The following DTX4 variants were observed in gnomAD, a reference collection of about 807,000 sequenced individuals.
DTX4 encodes deltex E3 ubiquitin ligase 4.
Under a neutral mutation model 57.6 loss-of-function variants are expected in DTX4, and 28 were observed. That is an observed-to-expected ratio of 0.49 (90% confidence interval 0.36 to 0.67). The LOEUF is 0.67. Ranked by LOEUF, DTX4 falls within the 30% of genes least tolerant of loss-of-function variation. The probability of loss-of-function intolerance (pLI) is 0.00; values close to 1 mark genes in which losing one functional copy is unlikely to be tolerated. For synonymous variants in DTX4, 316 were observed against 331.0 expected, an observed-to-expected ratio of 0.95 and a Z score of 0.49; for missense variants, 715 against 836.8, an observed-to-expected ratio of 0.85 and a Z score of 1.80.
chr11:59,184,490 T>C (rs982569373), intron 2 of DTX4, among the ~76,000 whole-genome samples: 17 of 152,260 alleles, frequency 1.1e-4, no homozygotes, highest in African/African-American at 3.1e-4. Flanking sequence ...GTCATTGTGA[T>C]TGCTGTTATT....
chr11:59,190,358 A>G (rs2135520354), intron 4 of DTX4, among the ~76,000 whole-genome samples: 2 of 152,338 alleles, frequency 1.3e-5, no homozygotes. Context: ...TCAATTGTCA[A>G]AGCAACCCTT....
intron 2 of DTX4, among the ~76,000 whole-genome samples, chr11:59,186,028 T>G (rs891885406): frequency 2.6e-5 from 4 of 152,188 alleles, no homozygotes; most frequent in African/African-American, 9.7e-5. Flanking sequence ...CTGACTCCAG[T>G]GCAGAGCTCC....
chr11:59,200,085 G>C (rs116203597), intron 8 of DTX4, among the ~76,000 whole-genome samples: 1 of 152,190 alleles, frequency 6.6e-6, no homozygotes, highest in African/African-American at 2.4e-5. Flanking sequence ...TCAGTTCCAC[G>C]TGGCTGGGAA....
At chr11:59,177,707 C>T (rs573020056) in intron 1 of DTX4, among the ~76,000 whole-genome samples, 2 of 152,342 alleles carry the variant, frequency 1.3e-5, no homozygotes, top group African/African-American at 2.4e-5. Flanking sequence ...CTTCACCCCC[C>T]CAGCTAGCCT....
At chr11:59,185,395 G>A (rs1862515382) in intron 2 of DTX4, 1 of 152,170 alleles carries the variant, frequency 6.6e-6, no homozygotes, top group Admixed American at 6.5e-5. Context: ...TTAGTTTTAT[G>A]TTTTAGCGAC....
At chr11:59,171,669 CT>C (rs1862324456), upstream of DTX4, among the ~76,000 whole-genome samples, 1 of 152,044 alleles carries the variant, frequency 6.6e-6, no homozygotes, top group African/African-American at 2.4e-5. Context: ...TGACGGACAG[CT>C]AAGGATGCGG....
intron 6 of DTX4, 47 bp from the exon 7 acceptor site, chr11:59,195,161 T>G: frequency 6.2e-7 from 1 of 1,608,712 alleles, no homozygotes; most frequent in Non-Finnish European, 8.5e-7. Flanking sequence ...GGAAAGTTAT[T>G]ACCAAAACTG....
At chr11:59,179,774 G>A (rs1451105504) in intron 1 of DTX4, among the ~76,000 whole-genome samples, 3 of 152,220 alleles carry the variant, frequency 2.0e-5, no homozygotes, top group East Asian at 3.9e-4. Context: ...CAGGTTGTGT[G>A]GCCGAGTGAG....
intron 1 of DTX4, among the ~76,000 whole-genome samples, chr11:59,174,436 A>C (rs956474264): frequency 7.5e-5 from 11 of 147,338 alleles, no homozygotes; most frequent in African/African-American, 2.8e-4. Context: ...TGAGCCACGG[A>C]GGTGGGACCA....
At chr11:59,197,766 G>A (rs1862692798) in intron 7 of DTX4, among the ~76,000 whole-genome samples, 1 of 152,164 alleles carries the variant, frequency 6.6e-6, no homozygotes, top group South Asian at 2.1e-4. Flanking sequence ...TGTCTCAGAG[G>A]CAATGAGTCA....
At position 59,206,218 on chromosome 11, in the gene DTX4, T is replaced by G. The variant is rs1172535710; in HGVS notation, c.*1309T>G. The G allele has an allele frequency of 6.6e-6, 1 of 152,432 alleles. No individual in the cohort carries two copies. The highest frequency in any genetic ancestry group is 1.5e-5 in the Non-Finnish European group (1 of 68,054). The allele number at this position is 152,432 out of a possible 1,614,324, so 9.4% of individuals were successfully genotyped here. On this transcript the variant is annotated 3_prime_UTR_variant, in exon 9 of 9. Transcript: ENST00000227451. ...TCTCCCTCATCTATTATAGATTGAC[T>G]TACAGCAGGGAGAGAATCTCTTTAG...
chr11:59,186,438 G>T (rs935209206), intron 2 of DTX4, among the ~76,000 whole-genome samples: 1 of 152,188 alleles, frequency 6.6e-6, no homozygotes, highest in African/African-American at 2.4e-5. Context: ...GTAGGTGCAG[G>T]TCTGGGTTCT....
chr11:59,182,457 C>A lies in DTX4; in HGVS notation c.930C>A (p.Ala310=). 6.2e-7 allele frequency: 1 copy of A among 1,600,688 alleles called. No individual in the cohort carries two copies. ...TTGCCCAGTCCCGGGTGCTGATCGC[C>A]TCTGGGTAAGTGCTTCCACAGCTGC... is the stretch of plus-strand genomic sequence containing the variant. ...LAIAQSRVLI[A]SGVPTVPVKN... The change falls in exon 2 of 9, where the codon GCC becomes GCA. Residue 310 remains alanine (A), a synonymous_variant. Coordinates refer to ENST00000227451, the MANE Select transcript of DTX4 (RefSeq NM_015177.2).
chr11:59,182,132 C>T lies in DTX4; in HGVS notation c.605C>T (p.Ala202Val). 1 of 1,613,484 alleles carries T rather than the reference C, an allele frequency of 6.2e-7. No homozygotes were observed. Among genetic ancestry groups the T allele is most frequent in the Non-Finnish European group, 8.5e-7 (1 of 1,179,778 alleles). The change falls in exon 2 of 9, where the codon GCA (alanine) becomes GTA (valine). Residue 202 changes from alanine to valine, a missense_variant. Physicochemically the swap from Ala to Val is moderately conservative, Grantham distance 64 (BLOSUM62 0). Coordinates refer to ENST00000227451, the MANE Select transcript of DTX4 (RefSeq NM_015177.2). ...TGTGTCTTGGTGATGAGTGTTAAGG[C>T]AGCCGTGGTCAATGGCAGCACTGGG... ...PQCVLVMSVK[A>V]AVVNGSTGPL...
chr11:59,172,869 T>C (rs1028841190), intron 1 of DTX4, 63 bp downstream of exon 1: 22 of 1,352,742 alleles, frequency 1.6e-5, no homozygotes, highest in Non-Finnish European at 2.2e-5. Flanking sequence ...CCAAGGTACC[T>C]CCCTCCCTGT....
chr11:59,205,025 T>G lies in DTX4; in HGVS notation c.*116T>G. On this transcript the variant is annotated 3_prime_UTR_variant, in exon 9 of 9. Coordinates refer to ENST00000227451, the MANE Select transcript of DTX4 (RefSeq NM_015177.2). ...GCCCTCCCAACTTTCTATCCTCCCC[T>G]CCTGCCCTGTGTCCATCCCTCATCC... 1 of 866,748 alleles carries G rather than the reference T, an allele frequency of 1.2e-6. No individual in the cohort carries two copies. Among genetic ancestry groups the G allele is most frequent in the Non-Finnish European group, 1.8e-6 (1 of 554,474 alleles). The allele number at this position is 866,748 out of a possible 1,614,324, so 53.7% of individuals were successfully genotyped here.
At chr11:59,173,777 G>C (rs1050128071) in intron 1 of DTX4, among the ~76,000 whole-genome samples, 14 of 152,088 alleles carry the variant, frequency 9.2e-5, no homozygotes, top group South Asian at 2.1e-4. Flanking sequence ...TGGGGCCTTG[G>C]GGGGTGGGGA....
chr11:59,192,537 G>A (rs1268512309), intron 6 of DTX4, among the ~76,000 whole-genome samples: 1 of 152,138 alleles, frequency 6.6e-6, no homozygotes, highest in African/African-American at 2.4e-5. Context: ...GGTTCTGAGG[G>A]GAGTGGCCCA....
chr11:59,196,960 G>T (rs865987725), intron 7 of DTX4, among the ~76,000 whole-genome samples: 1 of 152,052 alleles, frequency 6.6e-6, no homozygotes, highest in Non-Finnish European at 1.5e-5. Context: ...CCACCACCCC[G>T]GTCCATTGAA....
Sources: gnomAD v4.1 joint callset for allele counts (sites outside exome capture counted in the v4.1 genomes callset) on GRCh38, gnomAD v4.1.1 for gene constraint, MANE v1.5 for transcripts, NCBI Gene and HGNC (gene_info 2026-07-23, HGNC 2026-07-21) for gene names.